Variants in LRRC8C observed in about 807,000 individuals in gnomAD.
LRRC8C encodes leucine rich repeat containing 8 VRAC subunit C.
Under a neutral mutation model 55.3 loss-of-function variants are expected in LRRC8C, and 20 were observed. The ratio of observed to expected loss-of-function variants is 0.36; its 90% confidence interval spans 0.25 to 0.53. LRRC8C has a LOEUF of 0.53. Ranked by LOEUF, LRRC8C falls within the 20% of genes least tolerant of loss-of-function variation. The pLI is 0.92. For missense variants in LRRC8C, 659 were observed against 951.4 expected (o/e 0.69, Z 4.04); for synonymous variants, 376 against 360.7 (o/e 1.04, Z -0.48).
At chr1:89,626,960 GAC>G in the LRRC8C span, 14,811 of 122,350 alleles carry the variant, frequency 0.12, 738 homozygotes, top group Admixed American at 0.17. Context: ...CTCTAGTCTA[GAC>G]ACACACACAC....
intron 1 of LRRC8C, among the ~76,000 whole-genome samples, chr1:89,636,571 C>A (rs1326120205): frequency 6.6e-6 from 1 of 152,066 alleles, no homozygotes; most frequent in Non-Finnish European, 1.5e-5. Flanking sequence ...GATCTCTTAG[C>A]CTTGTATATC....
chr1:89,642,205 C>A (rs1455668045), intron 1 of LRRC8C, among the ~76,000 whole-genome samples: 1 of 152,102 alleles, frequency 6.6e-6, no homozygotes, highest in African/African-American at 2.4e-5. Context: ...CTTTTTTCCT[C>A]CTCAGATTCT....
Position 89,715,889 on chromosome 1 carries a change from A to G in LRRC8C, c.*907A>G, listed in dbSNP as rs1013744976. 3 of 152,192 alleles carry G rather than the reference A, an allele frequency of 2.0e-5. No homozygotes were observed. The highest frequency in any genetic ancestry group is 4.8e-5 in the African/African-American group (2 of 41,450). 9.4% of individuals were successfully genotyped at this position (152,192 alleles called of 1,614,324 possible). On this transcript the variant is annotated 3_prime_UTR_variant, in exon 3 of 3. Transcript: ENST00000370454. ...AAAATTTACTAAAGCACCCTGTTAA[A>G]GAGCTGGTGTGCTCCAGTGAGGCCC...
chr1:89,664,217 A>G (rs1261590382), intron 1 of LRRC8C, among the ~76,000 whole-genome samples: 5 of 152,170 alleles, frequency 3.3e-5, no homozygotes, highest in Non-Finnish European at 5.9e-5. Flanking sequence ...GTCTTTGCCC[A>G]TGCCTATGTC....
At position 89,717,613 on chromosome 1, in the gene LRRC8C, T is replaced by C. The variant is rs767633058; in HGVS notation, c.*2631T>C. 5.3e-5 allele frequency: 8 copies of C among 152,088 alleles called. No homozygotes were observed. The highest frequency in any genetic ancestry group is 8.8e-5 in the Non-Finnish European group (6 of 67,998). The allele number at this position is 152,088 out of a possible 1,614,324, so 9.4% of individuals were successfully genotyped here. On this transcript the variant is annotated 3_prime_UTR_variant, in exon 3 of 3. Coordinates refer to ENST00000370454, the MANE Select transcript of LRRC8C (RefSeq NM_032270.5). ...CAAAAGTCTGAAACTTAATTTTGAGTCTAAATTTTCTGACACTGGCCCCTT... is the reference window on the plus strand; with the variant it reads ...CAAAAGTCTGAAACTTAATTTTGAGCCTAAATTTTCTGACACTGGCCCCTT...
intron 1 of LRRC8C, among the ~76,000 whole-genome samples, chr1:89,644,590 G>A (rs1007676242): frequency 6.6e-6 from 1 of 152,172 alleles, no homozygotes; most frequent in African/African-American, 2.4e-5. Flanking sequence ...CAGTCCATAT[G>A]GTCTACAGCT....
rs781633185 is a variant in LRRC8C at position 89,713,867 on chromosome 1, C to A, written c.1297C>A (p.Leu433Ile). The A allele has an allele frequency of 6.2e-7, 1 of 1,614,196 alleles. No individual in the cohort carries two copies. Among genetic ancestry groups the A allele is most frequent in the Admixed American group, 1.7e-5 (1 of 60,028 alleles). Reference sequence around the variant, plus strand: ...TCGACTGGAATTGCCTCTTATCATGCTCTCTGGCCTTCCAGACACTGTTTT... The same window carrying A: ...TCGACTGGAATTGCCTCTTATCATGATCTCTGGCCTTCCAGACACTGTTTT... ...HNRLELPLIM[L>I]SGLPDTVFEI... Residue 433 changes from leucine (L) to isoleucine (I), a missense_variant, in exon 3 of 3, where the codon CTC becomes ATC. Around this residue, in one of 5 missense-constraint regions of LRRC8C, gnomAD observed 344 missense variants for 464.6 expected, o/e 0.74. Transcript: ENST00000370454. This position sits in a 1 kb window ranked among gnomAD's most constrained non-coding sequence, Gnocchi z 5.2.
chr1:89,658,946 C>G (rs887976195), intron 1 of LRRC8C, among the ~76,000 whole-genome samples: 2 of 151,568 alleles, frequency 1.3e-5, no homozygotes, highest in Non-Finnish European at 2.9e-5. Flanking sequence ...AAAAAAGTAT[C>G]TGAGTATGTG....
At chr1:89,628,306 T>A (rs977538230), upstream of LRRC8C, among the ~76,000 whole-genome samples, 3 of 152,196 alleles carry the variant, frequency 2.0e-5, no homozygotes, top group Non-Finnish European at 4.4e-5. Flanking sequence ...GAGAAAAGCA[T>A]AACAAATTTA....
In LRRC8C at chr1:89,714,185, C is replaced by A. The variant is rs1313564009; in HGVS notation, c.1615C>A (p.Arg539=). Residue 539 remains arginine (R), a synonymous_variant, in exon 3 of 3, where the codon CGG becomes AGG. Transcript: ENST00000370454. The surrounding 1 kb of genome is among the most constrained non-coding windows in gnomAD (Gnocchi z 4.6). ...CAGAAATGTCACCCTTGAGTCTCTG[C>A]GGGATCTCAAAAGCCTTAAAATTCT... ...ISRNVTLESL[R]DLKSLKILSI... 3 of 1,613,910 alleles carry A rather than the reference C, an allele frequency of 1.9e-6. No individual in the cohort carries two copies. In the Admixed American group the frequency reaches 5.0e-5, roughly 27 times the overall value.
the LRRC8C span, among the ~76,000 whole-genome samples, chr1:89,625,816 T>TC: frequency 6.6e-6 from 1 of 152,210 alleles, no homozygotes. Flanking sequence ...ATTAGATGCT[T>TC]CGTCAGGGCT....
chr1:89,653,531 CTG>C (rs950984048), intron 1 of LRRC8C, among the ~76,000 whole-genome samples: 29 of 152,150 alleles, frequency 1.9e-4, no homozygotes, highest in African/African-American at 7.0e-4. Flanking sequence ...AAAAGGCACA[CTG>C]TGAGAAACAA....
At chr1:89,671,584 G>A (rs1040705935) in intron 1 of LRRC8C, among the ~76,000 whole-genome samples, 6 of 152,148 alleles carry the variant, frequency 3.9e-5, no homozygotes, top group African/African-American at 9.7e-5. Context: ...GCCCATGACC[G>A]GTGATGACCA....
At chr1:89,690,915 A>G (rs1271377799) in intron 2 of LRRC8C, among the ~76,000 whole-genome samples, 1 of 152,210 alleles carries the variant, frequency 6.6e-6, no homozygotes, top group Non-Finnish European at 1.5e-5. Flanking sequence ...GCCGTTAAAA[A>G]GAAATCTGAT....
chr1:89,626,429 C>T, the LRRC8C span: 6 of 152,182 alleles, frequency 3.9e-5, no homozygotes, highest in African/African-American at 1.2e-4. Context: ...CTCAGTCCCA[C>T]AAGACTGCTT....
intron 1 of LRRC8C, among the ~76,000 whole-genome samples, chr1:89,638,772 C>G (rs1656368158): frequency 1.3e-5 from 2 of 151,938 alleles, no homozygotes; most frequent in African/African-American, 4.8e-5. Context: ...CAAAAGCCTC[C>G]CCTACCTGTA....
chr1:89,628,461 C>T (rs1656027798), upstream of LRRC8C, among the ~76,000 whole-genome samples: 1 of 152,156 alleles, frequency 6.6e-6, no homozygotes, highest in African/African-American at 2.4e-5. Context: ...CTGATCATAG[C>T]TCACTGTAAC....
chr1:89,674,214 A>G (rs1217514895), intron 1 of LRRC8C, among the ~76,000 whole-genome samples: 1 of 152,182 alleles, frequency 6.6e-6, no homozygotes, highest in African/African-American at 2.4e-5. Flanking sequence ...ATATTTTCCG[A>G]GAATATTTTT....
intron 1 of LRRC8C, among the ~76,000 whole-genome samples, chr1:89,639,681 GT>G (rs1656401644): frequency 6.6e-6 from 1 of 152,228 alleles, no homozygotes; most frequent in African/African-American, 2.4e-5. Context: ...GGCCATATCT[GT>G]CTTGTTCACT....
Sources: gnomAD v4.1 joint callset for allele counts (sites outside exome capture counted in the v4.1 genomes callset) on GRCh38, gnomAD v4.1.1 for gene constraint, gnomAD v4.1.1 regional missense constraint, Gnocchi (gnomAD v3.1) non-coding constraint, MANE v1.5 for transcripts, NCBI Gene and HGNC (gene_info 2026-07-23, HGNC 2026-07-21) for gene names.